The following COL13A1 variants were observed in gnomAD, a reference collection of about 807,000 sequenced individuals.
COL13A1 encodes the protein collagen alpha-1(XIII) chain.
A neutral mutation model predicts 130.9 loss-of-function variants in COL13A1; 89 were observed. That is an observed-to-expected ratio of 0.68 (90% CI 0.57 to 0.81). The LOEUF is 0.81. Ranked by LOEUF, COL13A1 falls within the 30% of genes least tolerant of loss-of-function variation. The probability of loss-of-function intolerance (pLI) is 0.00; values close to 1 mark genes in which losing one functional copy is unlikely to be tolerated. For missense variants in COL13A1, 879 were observed against 934.6 expected (o/e 0.94, Z 0.78); for synonymous variants, 402 against 341.6 (o/e 1.18, Z -1.95).
intron 28 of COL13A1, 62 bp downstream of exon 28, chr10:69,929,061 C>A: frequency 1.5e-6 from 2 of 1,336,732 alleles, no homozygotes; most frequent in South Asian, 1.3e-5. Flanking sequence ...CAGGGCTTCC[C>A]CTCCCCCTGT....
At chr10:69,896,498 A>C (rs2061657731) in intron 13 of COL13A1, among the ~76,000 whole-genome samples, 1 of 151,938 alleles carries the variant, frequency 6.6e-6, no homozygotes, top group Non-Finnish European at 1.5e-5. Flanking sequence ...CATGTGCCCC[A>C]TGGTGCTCAG....
intron 1 of COL13A1, among the ~76,000 whole-genome samples, chr10:69,813,774 C>T (rs1048346716): frequency 3.3e-5 from 5 of 152,308 alleles, no homozygotes; most frequent in East Asian, 3.9e-4. Context: ...CATGTGGCTA[C>T]GAGTGGGCCT....
At chr10:69,897,296 C>T (rs2061739507) in intron 13 of COL13A1, among the ~76,000 whole-genome samples, 1 of 152,000 alleles carries the variant, frequency 6.6e-6, no homozygotes, top group Non-Finnish European at 1.5e-5. Flanking sequence ...GTTGGGGTGG[C>T]AGGTCTCGGG....
chr10:69,836,892 A>T (rs1850219623), intron 2 of COL13A1, among the ~76,000 whole-genome samples: 1 of 147,156 alleles, frequency 6.8e-6, no homozygotes, highest in Non-Finnish European at 1.5e-5. Flanking sequence ...TGGGGGTATA[A>T]GTGGATGCCA....
chr10:69,861,106 G>A (rs1442684854), intron 2 of COL13A1, among the ~76,000 whole-genome samples: 9 of 152,050 alleles, frequency 5.9e-5, no homozygotes, highest in Admixed American at 1.3e-4. Context: ...AGCCTCCCCC[G>A]TCCCACCAGC....
intron 1 of COL13A1, among the ~76,000 whole-genome samples, chr10:69,814,217 C>T (rs189815373): frequency 2.6e-5 from 4 of 152,340 alleles, no homozygotes; most frequent in Admixed American, 6.5e-5. Context: ...CAGTGGGCAC[C>T]TCCTCTTCCT....
rs118100903 is a variant in COL13A1, at chr10:69,808,360, T to C, written c.294+5643T>C. ...CCACTCCAACCCAATGTGGGCTCTC[T>C]CCCTGCTCCAACTTCCTGTTGCTCT... On this transcript the variant is annotated intron_variant, in intron 1 of 40. Transcript: ENST00000645393. Among the ~76,000 whole-genome samples, 7 of 152,338 alleles carry C rather than the reference T, an allele frequency of 4.6e-5. No homozygotes were observed. The East Asian group carries it at 1.3e-3, about 29-fold the overall frequency.
chr10:69,802,516 G>T lies in COL13A1; in HGVS notation c.93G>T (p.Ala31=). ...GAPGTVALVA[A]RAERGARLPS... Reference sequence around the variant, plus strand: ...CCGGGACGGTGGCTCTGGTGGCGGCGCGGGCGGAGCGCGGCGCACGGCTGC... The same window carrying T: ...CCGGGACGGTGGCTCTGGTGGCGGCTCGGGCGGAGCGCGGCGCACGGCTGC... Residue 31 remains alanine (A), a synonymous_variant, in exon 1 of 41, where the codon GCG becomes GCT. Transcript: ENST00000645393. The T allele has an allele frequency of 6.4e-7, 1 of 1,560,834 alleles. No individual in the cohort carries two copies. The highest frequency in any genetic ancestry group is 8.6e-7 in the Non-Finnish European group (1 of 1,156,728).
chr10:69,885,110 G>A (rs1441627529), intron 7 of COL13A1, among the ~76,000 whole-genome samples: 1 of 152,194 alleles, frequency 6.6e-6, no homozygotes, highest in Admixed American at 6.5e-5. Context: ...CAAGGACAAA[G>A]CATGAGTGAA....
At chr10:69,914,778 T>C (rs2063744698) in intron 17 of COL13A1, among the ~76,000 whole-genome samples, 1 of 152,230 alleles carries the variant, frequency 6.6e-6, no homozygotes. Flanking sequence ...CTGAGAGGGC[T>C]TGGAGACCGC....
intron 1 of COL13A1, among the ~76,000 whole-genome samples, chr10:69,816,873 G>C (rs919545583): frequency 6.6e-6 from 1 of 152,210 alleles, no homozygotes; most frequent in East Asian, 1.9e-4. Flanking sequence ...CAGGAGAGAC[G>C]TAGGAGGCAG....
intron 2 of COL13A1, among the ~76,000 whole-genome samples, chr10:69,859,336 GA>G (rs1331862388): frequency 6.6e-6 from 1 of 152,220 alleles, no homozygotes; most frequent in Admixed American, 6.5e-5. Flanking sequence ...ATCATTCAGA[GA>G]TACAGGCCTG....
chr10:69,864,322 G>GATTC (rs1859165826), intron 2 of COL13A1, among the ~76,000 whole-genome samples: 2 of 151,882 alleles, frequency 1.3e-5, no homozygotes, highest in African/African-American at 4.8e-5. Flanking sequence ...AATGTCGATT[G>GATTC]AATGAATGAA....
At chr10:69,909,198 C>T (rs1375509817) in intron 17 of COL13A1, among the ~76,000 whole-genome samples, 1 of 152,180 alleles carries the variant, frequency 6.6e-6, no homozygotes, top group Non-Finnish European at 1.5e-5. Context: ...TTTCTCCATC[C>T]ACATCCAGGG....
intron 35 of COL13A1, among the ~76,000 whole-genome samples, chr10:69,942,793 G>A (rs1325567406): frequency 1.3e-5 from 2 of 152,178 alleles, no homozygotes; most frequent in South Asian, 2.1e-4. Flanking sequence ...GTAGGCCTCC[G>A]AGGCAAGGCC....
intron 32 of COL13A1, 134 bp from the exon 33 acceptor site, chr10:69,936,622 A>G (rs1565120909): frequency 1.4e-5 from 13 of 918,384 alleles, no homozygotes; most frequent in East Asian, 2.7e-5. Context: ...ATTTCTTTCT[A>G]CCTCTCATGG....
At chr10:69,942,053 G>A (rs144363670) in intron 35 of COL13A1, among the ~76,000 whole-genome samples, 52 of 152,304 alleles carry the variant, frequency 3.4e-4, no homozygotes, top group Non-Finnish European at 6.2e-4. Flanking sequence ...TGTGTGCAGC[G>A]TAGGGGACAC....
intron 38 of COL13A1, among the ~76,000 whole-genome samples, chr10:69,949,956 TTGTG>T (rs1224551006): frequency 7.1e-6 from 1 of 139,936 alleles, no homozygotes; most frequent in Non-Finnish European, 1.6e-5. Context: ...GTGCGTGTGT[TTGTG>T]TGTGCGTGTG....
chr10:69,851,506 A>G (rs1186272698), intron 2 of COL13A1, among the ~76,000 whole-genome samples: 2 of 152,222 alleles, frequency 1.3e-5, no homozygotes, highest in Non-Finnish European at 1.5e-5. Flanking sequence ...ACTTCCTGCC[A>G]GGATGAAATA....
Sources: gnomAD v4.1 joint callset for allele counts (sites outside exome capture counted in the v4.1 genomes callset) on GRCh38, gnomAD v4.1.1 for gene constraint, MANE v1.5 for transcripts, NCBI Gene and HGNC (gene_info 2026-07-23, HGNC 2026-07-21) for gene names.